SBF2: variants seen among roughly 807,000 people sequenced by gnomAD.
SBF2 encodes myotubularin-related protein 13.
A neutral mutation model predicts 225.2 loss-of-function variants in SBF2; 112 were observed. The ratio of observed to expected loss-of-function variants is 0.50; its 90% CI spans 0.43 to 0.58. The LOEUF is 0.58. Among genes scored for constraint, SBF2 ranks in the 20% least tolerant of loss-of-function variants. The pLI, the probability that SBF2 is intolerant of heterozygous loss-of-function variation, is 0.00. For synonymous variants in SBF2, 763 were observed against 773.3 expected, an observed-to-expected ratio of 0.99 and a Z score of 0.22; for missense variants, 1,996 against 2,206.2, an observed-to-expected ratio of 0.90 and a Z score of 1.91.
At chr11:10,204,382 A>G (rs960483722) in intron 1 of SBF2, among the ~76,000 whole-genome samples, 2 of 152,008 alleles carry the variant, frequency 1.3e-5, no homozygotes, top group Non-Finnish European at 1.5e-5. Context: ...CACGCCTGTA[A>G]TATTACCCAG....
intron 16 of SBF2, among the ~76,000 whole-genome samples, chr11:9,934,292 G>C (rs1864721692): frequency 6.6e-6 from 1 of 152,072 alleles, no homozygotes; most frequent in Non-Finnish European, 1.5e-5. Flanking sequence ...CCAGTAACAG[G>C]CTCTGAAATT....
intron 16 of SBF2, among the ~76,000 whole-genome samples, chr11:9,938,401 G>A (rs1865037867): frequency 6.7e-6 from 1 of 150,164 alleles, no homozygotes; most frequent in African/African-American, 2.4e-5. Context: ...TTTTTTTTCG[G>A]GGAACTGAAC....
At chr11:10,143,538 T>C (rs1372883216) in intron 2 of SBF2, among the ~76,000 whole-genome samples, 1 of 152,096 alleles carries the variant, frequency 6.6e-6, no homozygotes, top group East Asian at 1.9e-4. Flanking sequence ...TGAAAGAAAA[T>C]AACACTAATT....
chr11:10,177,855 A>G (rs1956539108), intron 2 of SBF2, among the ~76,000 whole-genome samples: 1 of 149,414 alleles, frequency 6.7e-6, no homozygotes, highest in Admixed American at 6.7e-5. Flanking sequence ...TAAAGTTCAT[A>G]TGGAACCAAA....
chr11:9,856,643 G>A lies in SBF2; in HGVS notation c.2178C>T (p.Thr726=). 1 of 1,614,106 alleles carries A rather than the reference G, an allele frequency of 6.2e-7. No homozygotes were observed. Among genetic ancestry groups the A allele is most frequent in the Non-Finnish European group, 8.5e-7 (1 of 1,180,020 alleles). Residue 726 remains threonine, a synonymous_variant, in exon 19 of 40, where the codon ACC becomes ACT. Transcript: ENST00000256190. ...LAAEQLRLWP[T]LSKSTQQELV... is the part of the protein sequence containing the mutation. ...GCTCTTGCTGAGTTGACTTGCTCAGGGTAGGCCAAAGGCGTAGTTGCTCAG... is the reference window on the plus strand; with the variant it reads ...GCTCTTGCTGAGTTGACTTGCTCAGAGTAGGCCAAAGGCGTAGTTGCTCAG...
At chr11:10,288,779 T>C (rs564642155) in intron 1 of SBF2, among the ~76,000 whole-genome samples, 4 of 152,144 alleles carry the variant, frequency 2.6e-5, no homozygotes, top group African/African-American at 9.7e-5. Flanking sequence ...CTCCATCCTC[T>C]GCTCTGCTCT....
At chr11:10,239,759 A>T (rs1457450601) in intron 1 of SBF2, among the ~76,000 whole-genome samples, 5,438 of 147,056 alleles carry the variant, frequency 0.037, 211 homozygotes, top group South Asian at 0.087. Flanking sequence ...AAAATGCACT[A>T]TATAAACCTA....
intron 21 of SBF2, among the ~76,000 whole-genome samples, chr11:9,851,304 G>A (rs1856934564): frequency 6.6e-6 from 1 of 152,174 alleles, no homozygotes; most frequent in Non-Finnish European, 1.5e-5. Flanking sequence ...TAAGGGTGGA[G>A]GTGGAGGTAG....
intron 2 of SBF2, among the ~76,000 whole-genome samples, chr11:10,143,846 T>C (rs1954764025): frequency 6.6e-6 from 1 of 152,066 alleles, no homozygotes; most frequent in Non-Finnish European, 1.5e-5. Flanking sequence ...GCCTCCCGAG[T>C]AGCTGGGACT....
At chr11:10,136,916 C>T (rs542112467) in intron 2 of SBF2, among the ~76,000 whole-genome samples, 18 of 152,298 alleles carry the variant, frequency 1.2e-4, no homozygotes, top group African/African-American at 3.1e-4. Flanking sequence ...CTTCAACTTT[C>T]CATATATATA....
At chr11:9,931,362 A>G (rs1864486706) in intron 16 of SBF2, among the ~76,000 whole-genome samples, 1 of 152,254 alleles carries the variant, frequency 6.6e-6, no homozygotes. Flanking sequence ...AGGGATCGAC[A>G]GACACCTGAT....
rs1170289316 is a variant in SBF2, at chr11:9,845,564, C to T, written c.3110+1G>A. On this transcript the variant is annotated splice_donor_variant, in intron 24 of 39. Transcript: ENST00000256190. LOFTEE classifies it high-confidence loss of function. ...ATTAACAGACTTGTCTTTCTTCTTA[C>T]CGAAAAGAAGTGTTCTTTTCCTTCT... 6.2e-7 allele frequency: 1 copy of T among 1,612,990 alleles called. No individual in the cohort carries two copies. Among genetic ancestry groups the T allele is most frequent in the Non-Finnish European group, 8.5e-7 (1 of 1,179,048 alleles).
At chr11:10,283,464 T>C (rs1479648789) in intron 1 of SBF2, among the ~76,000 whole-genome samples, 1 of 152,108 alleles carries the variant, frequency 6.6e-6, no homozygotes, top group African/African-American at 2.4e-5. Flanking sequence ...AGTGCTTAAA[T>C]AAAACTGATT....
chr11:10,062,304 CA>C (rs986383632), intron 2 of SBF2, among the ~76,000 whole-genome samples: 20 of 152,120 alleles, frequency 1.3e-4, no homozygotes, highest in African/African-American at 4.6e-4. Flanking sequence ...ACGAAGTCAC[CA>C]AAACCAATTG....
At chr11:9,921,064 C>CTTTTTTTTTTTTTTTTTTTTTTTTTTT (rs34959264) in intron 16 of SBF2, among the ~76,000 whole-genome samples, 2 of 85,888 alleles carry the variant, frequency 2.3e-5, no homozygotes, top group Non-Finnish European at 4.3e-5. Context: ...CTGAAAACTT[C>CTTTTTTTTTTTTTTTTTTTTTTTTTTT]TTTTTTTTTT....
intron 13 of SBF2, among the ~76,000 whole-genome samples, chr11:9,980,922 T>C (rs1445572157): frequency 1.3e-5 from 2 of 152,244 alleles, no homozygotes; most frequent in Non-Finnish European, 2.9e-5. Flanking sequence ...ATGGATTTTT[T>C]TGTTTTAATA....
At chr11:10,033,379 G>A (rs1949329298) in intron 3 of SBF2, among the ~76,000 whole-genome samples, 1 of 152,032 alleles carries the variant, frequency 6.6e-6, no homozygotes, top group South Asian at 2.1e-4. Flanking sequence ...GAATGCATTG[G>A]TCATTTCTTA....
chr11:10,206,784 A>G (rs751709339), intron 1 of SBF2, among the ~76,000 whole-genome samples: 6 of 152,120 alleles, frequency 3.9e-5, no homozygotes, highest in Non-Finnish European at 7.4e-5. Context: ...AGTAGAATTT[A>G]CCCAGTCTGA....
intron 17 of SBF2, among the ~76,000 whole-genome samples, chr11:9,869,341 C>T (rs147861988): frequency 6.6e-6 from 1 of 151,968 alleles, no homozygotes; most frequent in Non-Finnish European, 1.5e-5. Flanking sequence ...TTTTTGGAGA[C>T]AGAGTCTTGC....
Sources: allele counts gnomAD v4.1 joint callset (sites outside exome capture counted in the v4.1 genomes callset), GRCh38; gene constraint gnomAD v4.1.1; transcripts MANE v1.5; gene names NCBI Gene and HGNC (gene_info 2026-07-23, HGNC 2026-07-21).